The following PTPN2 variants were observed in gnomAD, a reference collection of about 807,000 sequenced individuals.
PTPN2 encodes the protein tyrosine-protein phosphatase non-receptor type 2.
PTPN2 carries 19 observed loss-of-function variants against 57.3 expected under a neutral mutation model. The ratio of observed to expected loss-of-function variants is 0.33; its 90% confidence interval spans 0.23 to 0.49. The LOEUF (loss-of-function observed/expected upper bound fraction) is 0.49, where lower values mean the gene tolerates loss of function less well. Ranked by LOEUF, PTPN2 falls within the 20% of genes least tolerant of loss-of-function variation. The pLI is 0.99. For synonymous variants in PTPN2, 153 were observed against 164.9 expected, an observed-to-expected ratio of 0.93 and a Z score of 0.55; for missense variants, 358 against 501.1, an observed-to-expected ratio of 0.71 and a Z score of 2.73.
Position 12,836,868 on chromosome 18 carries a change from G to C in PTPN2, c.184C>G (p.Gln62Glu), listed in dbSNP as rs2042883804. ...TTAATATAATCATTCTCAGCATTTTGCAGTTTAACACGACTGTGATCATCT... is the reference window on the plus strand; with the variant it reads ...TTAATATAATCATTCTCAGCATTTTCCAGTTTAACACGACTGTGATCATCT... ...SPYDHSRVKLQNAENDYINAS... is the reference protein window; with the variant it reads ...SPYDHSRVKLENAENDYINAS... The change falls in exon 3 of 9, where the codon CAA becomes GAA. Residue 62 changes from glutamine (Q) to glutamate (E), a missense_variant. Physicochemically the swap from Gln to Glu is conservative, Grantham distance 29 (BLOSUM62 2). This residue lies in a region of PTPN2 where 193 missense variants were observed against 315.4 expected (regional missense o/e 0.61). Coordinates refer to ENST00000309660, the MANE Select transcript of PTPN2 (RefSeq NM_002828.4). 1 of 1,609,884 alleles carries C rather than the reference G, an allele frequency of 6.2e-7. No homozygotes were observed. Among genetic ancestry groups the C allele is most frequent in the South Asian group, 1.1e-5 (1 of 90,876 alleles).
chr18:12,884,160 G>C lies in PTPN2; in HGVS notation c.-19C>G, dbSNP rs760596632. ...TGGGCATGGCTGCGGGAGCGAGCTG[G>C]CGCGAGCAGAGCCTGCGCCGGCGGA... On this transcript the variant is annotated 5_prime_UTR_variant, in exon 1 of 9. Transcript: ENST00000309660. The C allele has an allele frequency of 7.6e-6, 12 of 1,570,770 alleles. No homozygotes were observed. In the African/African-American group the frequency reaches 1.4e-4, roughly 18 times the overall value.
chr18:12,789,800 T>C (rs779151619), downstream of PTPN2, among the ~76,000 whole-genome samples: 104 of 152,190 alleles, frequency 6.8e-4, no homozygotes, highest in Non-Finnish European at 1.2e-3. Flanking sequence ...AAAAAACATA[T>C]ATTTATAAAT....
chr18:12,845,485 G>A (rs545766561), intron 2 of PTPN2, among the ~76,000 whole-genome samples: 1 of 152,142 alleles, frequency 6.6e-6, no homozygotes, highest in South Asian at 2.1e-4. Context: ...TGGTTTCCAC[G>A]TGTTTGTTGT....
At chr18:12,802,514 G>A (rs2145251966) in intron 7 of PTPN2, among the ~76,000 whole-genome samples, 1 of 152,046 alleles carries the variant, frequency 6.6e-6, no homozygotes, top group East Asian at 1.9e-4. Flanking sequence ...CATGAAACTC[G>A]ACAGCACACT....
intron 3 of PTPN2, among the ~76,000 whole-genome samples, chr18:12,831,659 A>G (rs1013042485): frequency 1.2e-4 from 19 of 152,210 alleles, no homozygotes; most frequent in African/African-American, 4.6e-4. Flanking sequence ...CAACCAACTC[A>G]AGTCAACTAC....
At chr18:12,857,988 A>G (rs945018875) in intron 2 of PTPN2, among the ~76,000 whole-genome samples, 3 of 152,234 alleles carry the variant, frequency 2.0e-5, no homozygotes, top group Admixed American at 6.5e-5. Context: ...TCAACATAAG[A>G]AAAACATTCT....
chr18:12,818,365 G>A (rs1170316070), intron 5 of PTPN2, among the ~76,000 whole-genome samples: 1 of 152,086 alleles, frequency 6.6e-6, no homozygotes, highest in Non-Finnish European at 1.5e-5. Flanking sequence ...CTTTCCCCAT[G>A]GCAATAATTT....
chr18:12,836,567 T>C (rs1386200309), intron 3 of PTPN2, among the ~76,000 whole-genome samples: 9 of 152,234 alleles, frequency 5.9e-5, no homozygotes, highest in Non-Finnish European at 1.3e-4. Flanking sequence ...TTCCTAAGAA[T>C]TTTCCTTCAC....
At chr18:12,823,396 G>A (rs548815744) in intron 5 of PTPN2, among the ~76,000 whole-genome samples, 69 of 152,140 alleles carry the variant, frequency 4.5e-4, no homozygotes, top group South Asian at 2.5e-3. Context: ...GGAGATGGCC[G>A]GGCGTGTTGG....
intron 8 of PTPN2, among the ~76,000 whole-genome samples, chr18:12,796,732 A>C (rs911089846): frequency 7.9e-5 from 12 of 152,026 alleles, no homozygotes; most frequent in Admixed American, 2.0e-4. Flanking sequence ...CTGTTCTCCA[A>C]ATTTGTTCCC....
chr18:12,822,331 A>G (rs2042299189), intron 5 of PTPN2, among the ~76,000 whole-genome samples: 1 of 152,212 alleles, frequency 6.6e-6, no homozygotes, highest in South Asian at 2.1e-4. Context: ...AACTCACTAA[A>G]CGTAAAGCGG....
chr18:12,866,321 C>T (rs1292388931), intron 1 of PTPN2, among the ~76,000 whole-genome samples: 1 of 151,946 alleles, frequency 6.6e-6, no homozygotes, highest in Admixed American at 6.6e-5. Flanking sequence ...GCCTGTAGTC[C>T]CAGCTACTGG....
intron 7 of PTPN2, among the ~76,000 whole-genome samples, chr18:12,810,233 G>A (rs1047418291): frequency 2.0e-5 from 3 of 151,726 alleles, no homozygotes; most frequent in Non-Finnish European, 2.9e-5. Flanking sequence ...GCATGGTGGT[G>A]CAAGCCTGTA....
At chr18:12,846,955 T>TTATTCAGGGACAGAGAAAGAGAAACTTA (rs1466610622) in intron 2 of PTPN2, among the ~76,000 whole-genome samples, 3 of 152,098 alleles carry the variant, frequency 2.0e-5, no homozygotes, top group African/African-American at 7.2e-5. Flanking sequence ...ATAGATTTAA[T>TTATTCAGGGACAGAGAAAGAGAAACTTA]TATTCAGGGA....
chr18:12,850,364 C>T (rs185274203), intron 2 of PTPN2, among the ~76,000 whole-genome samples: 2 of 152,178 alleles, frequency 1.3e-5, no homozygotes, highest in Admixed American at 1.3e-4. Context: ...TGGCACGTGC[C>T]TGTACTCCCA....
Position 12,793,989 on chromosome 18 carries a change from G to A in PTPN2, c.*289C>T. The A allele has an allele frequency of 7.9e-7, 1 of 1,260,110 alleles. No individual in the cohort carries two copies. The highest frequency in any genetic ancestry group is 1.0e-6 in the Non-Finnish European group (1 of 999,882). The allele number at this position is 1,260,110 out of a possible 1,614,324, so 78.1% of individuals were successfully genotyped here. A position where few individuals can be genotyped will look rare whatever the true frequency, so the allele number is the denominator to read the frequency against. On this transcript the variant is annotated 3_prime_UTR_variant, in exon 9 of 9. Transcript: ENST00000309660. ...ATAAAGGATATCTCAATGTTGGTCA[G>A]GTGAAATACTGTGTTTGACATGTAT...
At chr18:12,838,905 C>A (rs74839699) in intron 2 of PTPN2, among the ~76,000 whole-genome samples, 2,022 of 148,528 alleles carry the variant, frequency 0.014, 12 homozygotes, top group Non-Finnish European at 0.022. Flanking sequence ...AAATGAAAAA[C>A]AATTTAAAAA....
intron 6 of PTPN2, among the ~76,000 whole-genome samples, chr18:12,816,866 T>A (rs577621438): frequency 6.6e-6 from 1 of 152,302 alleles, no homozygotes; most frequent in South Asian, 2.1e-4. Context: ...TATGAATTTA[T>A]ATTTGAAAAA....
intron 4 of PTPN2, among the ~76,000 whole-genome samples, chr18:12,826,502 G>T (rs185851497): frequency 4.6e-5 from 7 of 152,320 alleles, no homozygotes; most frequent in Non-Finnish European, 1.0e-4. Context: ...CTCAGACTCA[G>T]AAATCCCCTT....
Sources: allele counts gnomAD v4.1 joint callset (sites outside exome capture counted in the v4.1 genomes callset), GRCh38; gene constraint gnomAD v4.1.1; regional missense constraint gnomAD v4.1.1; transcripts MANE v1.5; gene names NCBI Gene and HGNC (gene_info 2026-07-23, HGNC 2026-07-21).